Variants in CCSER1 observed in about 807,000 individuals in gnomAD.
CCSER1 encodes the protein coiled-coil serine rich protein 1, also known as serine-rich coiled-coil domain-containing protein 1.
In CCSER1, 41 loss-of-function variants were observed where a neutral mutation model predicts 82.0. The observed-to-expected ratio is 0.50, with a 90% CI of 0.39 to 0.65. The LOEUF (loss-of-function observed/expected upper bound fraction) is 0.65, where lower values mean the gene tolerates loss of function less well. CCSER1 is among the 30% of genes least tolerant of loss of function. The pLI, the probability that CCSER1 is intolerant of heterozygous loss-of-function variation, is 0.00. For missense variants in CCSER1, 1,119 were observed against 1,064.2 expected, an observed-to-expected ratio of 1.05 and a Z score of -0.72; for synonymous variants, 414 against 383.9, an observed-to-expected ratio of 1.08 and a Z score of -0.92.
In CCSER1 at chr4:90,443,464, A is replaced by G. The variant is rs116056342; in HGVS notation, c.1604-24770A>G. Among the ~76,000 whole-genome samples, 524 of 152,236 alleles carry G rather than the reference A, an allele frequency of 3.4e-3. 2 individuals are homozygous for G. Among genetic ancestry groups the G allele is most frequent in the African/African-American group, 0.012 (506 of 41,550 alleles). On this transcript the variant is annotated intron_variant, in intron 4 of 10. Transcript: ENST00000509176. ...AGGGAAGACTCACATCCTGGGTGGG[A>G]CAGAGCAGGACAGCAGGAAATTTCA... is the stretch of plus-strand genomic sequence containing the variant.
chr4:90,874,552 A>G (rs565590495), intron 8 of CCSER1, among the ~76,000 whole-genome samples: 2 of 152,186 alleles, frequency 1.3e-5, no homozygotes, highest in South Asian at 2.1e-4. Flanking sequence ...CCTCCCTCCC[A>G]AGACCTTGAG....
intron 6 of CCSER1, among the ~76,000 whole-genome samples, chr4:90,630,627 T>C: frequency 6.6e-6 from 1 of 151,926 alleles, no homozygotes; most frequent in East Asian, 1.9e-4. Flanking sequence ...GCAATAGTAT[T>C]ATATGATTAG....
At chr4:90,151,753 T>A (rs1726901016) in intron 1 of CCSER1, among the ~76,000 whole-genome samples, 1 of 152,256 alleles carries the variant, frequency 6.6e-6, no homozygotes, top group East Asian at 1.9e-4. Context: ...ATTTAAGCAC[T>A]CAGTTATTTA....
At chr4:90,948,814 G>A (rs561075528) in intron 9 of CCSER1, among the ~76,000 whole-genome samples, 5 of 151,940 alleles carry the variant, frequency 3.3e-5, no homozygotes, top group African/African-American at 1.2e-4. Context: ...ATGATTTTTT[G>A]TTTAATTATT....
At chr4:90,358,193 A>AT (rs1290292329) in intron 3 of CCSER1, among the ~76,000 whole-genome samples, 8 of 152,028 alleles carry the variant, frequency 5.3e-5, no homozygotes, top group African/African-American at 1.2e-4. Flanking sequence ...CAATATGGTG[A>AT]TTTTTTTGTT....
intron 10 of CCSER1, among the ~76,000 whole-genome samples, chr4:91,444,211 A>G (rs1312129667): frequency 6.6e-6 from 1 of 152,202 alleles, no homozygotes; most frequent in Non-Finnish European, 1.5e-5. Flanking sequence ...ACCTGAGAAC[A>G]TGAGAATCTG....
intron 10 of CCSER1, among the ~76,000 whole-genome samples, chr4:91,231,736 T>A (rs182880214): frequency 7.9e-5 from 12 of 151,940 alleles, no homozygotes; most frequent in Non-Finnish European, 1.6e-4. Flanking sequence ...AAAAGACATA[T>A]GTATCTGTAT....
chr4:90,281,005 C>T (rs1398376915), intron 1 of CCSER1, among the ~76,000 whole-genome samples: 1 of 151,978 alleles, frequency 6.6e-6, no homozygotes, highest in East Asian at 1.9e-4. Context: ...CATTTTCATA[C>T]ATCCATACTA....
intron 3 of CCSER1, among the ~76,000 whole-genome samples, chr4:90,345,285 T>C (rs1326424161): frequency 1.3e-5 from 2 of 152,070 alleles, no homozygotes; most frequent in Non-Finnish European, 2.9e-5. Context: ...AAACAAGAGA[T>C]TGAGTTGTCT....
At chr4:90,373,258 T>A (rs80227120) in intron 3 of CCSER1, among the ~76,000 whole-genome samples, 2 of 152,128 alleles carry the variant, frequency 1.3e-5, no homozygotes, top group African/African-American at 4.8e-5. Flanking sequence ...CTAAGTGATA[T>A]GATAGGGTTA....
intron 5 of CCSER1, among the ~76,000 whole-genome samples, chr4:90,537,729 A>G (rs1775591462): frequency 6.6e-6 from 1 of 152,152 alleles, no homozygotes; most frequent in Non-Finnish European, 1.5e-5. Flanking sequence ...GGGGTTTTAT[A>G]CAACAGTGCT....
chr4:90,691,505 T>C (rs1448850745), intron 6 of CCSER1, among the ~76,000 whole-genome samples: 3 of 151,994 alleles, frequency 2.0e-5, no homozygotes, highest in East Asian at 3.9e-4. Flanking sequence ...TAAACGTGTG[T>C]ATATATTACA....
intron 5 of CCSER1, among the ~76,000 whole-genome samples, chr4:90,534,443 G>T (rs1457126433): frequency 1.5e-4 from 10 of 64,692 alleles, no homozygotes; most frequent in African/African-American, 2.1e-4. Flanking sequence ...CCAGCCTTTT[G>T]TGTGTGTGTG....
intron 10 of CCSER1, among the ~76,000 whole-genome samples, chr4:91,335,138 T>C (rs938200029): frequency 6.6e-6 from 1 of 152,122 alleles, no homozygotes; most frequent in Non-Finnish European, 1.5e-5. Context: ...AGGCTCTTTA[T>C]AGATTGTTCG....
At chr4:91,547,097 G>A (rs985608730) in intron 10 of CCSER1, among the ~76,000 whole-genome samples, 9 of 151,712 alleles carry the variant, frequency 5.9e-5, no homozygotes, top group Non-Finnish European at 1.2e-4. Flanking sequence ...TAGTCTGGGA[G>A]TAGACATTGC....
intron 5 of CCSER1, among the ~76,000 whole-genome samples, chr4:90,562,603 T>C (rs986765906): frequency 6.6e-6 from 1 of 152,080 alleles, no homozygotes; most frequent in Non-Finnish European, 1.5e-5. Flanking sequence ...AGTGGGGCAG[T>C]CTCAGCTCAC....
intron 10 of CCSER1, among the ~76,000 whole-genome samples, chr4:91,502,865 A>G (rs985024947): frequency 2.6e-5 from 4 of 152,222 alleles, no homozygotes; most frequent in African/African-American, 9.6e-5. Context: ...GACTTAATGT[A>G]GTCTTAACAT....
intron 5 of CCSER1, among the ~76,000 whole-genome samples, chr4:90,483,893 G>C (rs145999935): frequency 6.6e-6 from 1 of 152,224 alleles, no homozygotes; most frequent in African/African-American, 2.4e-5. Context: ...GGCATTCTCT[G>C]TATTCACTGA....
At chr4:90,844,523 T>A (rs1338571554) in intron 8 of CCSER1, among the ~76,000 whole-genome samples, 2 of 152,134 alleles carry the variant, frequency 1.3e-5, no homozygotes, top group Non-Finnish European at 2.9e-5. Flanking sequence ...CTTAGCTCAT[T>A]TCTTAGACTA....
Sources: allele counts gnomAD v4.1 joint callset (sites outside exome capture counted in the v4.1 genomes callset), GRCh38; gene constraint gnomAD v4.1.1; transcripts MANE v1.5; gene names NCBI Gene and HGNC (gene_info 2026-07-23, HGNC 2026-07-21).